The following PDZD2 variants were observed in gnomAD, a reference collection of about 807,000 sequenced individuals.
PDZD2 encodes PDZ domain containing 2.
PDZD2 carries 90 observed loss-of-function variants against 220.7 expected under a neutral mutation model. The ratio of observed to expected loss-of-function variants is 0.41; its 90% confidence interval spans 0.34 to 0.49. The LOEUF (loss-of-function observed/expected upper bound fraction) is 0.49. Among genes scored for constraint, PDZD2 ranks in the 20% least tolerant of loss-of-function variants. The pLI, the probability that PDZD2 is intolerant of heterozygous loss-of-function variation, is 0.28. For synonymous variants in PDZD2, 1,375 were observed against 1,450.5 expected, an observed-to-expected ratio of 0.95 and a Z score of 1.18; for missense variants, 3,174 against 3,608.5, an observed-to-expected ratio of 0.88 and a Z score of 3.08.
chr5:31,994,174 C>T (rs142030832), intron 3 of PDZD2, among the ~76,000 whole-genome samples: 2,627 of 151,398 alleles, frequency 0.017, 76 homozygotes, highest in African/African-American at 0.06. Flanking sequence ...CCCACCACCA[C>T]GCCTGGCTAA....
intron 2 of PDZD2, among the ~76,000 whole-genome samples, chr5:31,952,334 C>T (rs1308391392): frequency 1.3e-5 from 2 of 152,208 alleles, no homozygotes. Flanking sequence ...AATTTGTAAT[C>T]TCTGTATCCC....
rs933065349 is a variant in PDZD2 at position 31,944,806 on chromosome 5, G to T, written c.477-38349G>T. 3.3e-5 allele frequency among the ~76,000 whole-genome samples: 5 copies of T among 152,204 alleles called. No individual in the cohort carries two copies. The East Asian group carries it at 9.7e-4, about 29-fold the overall frequency. ...TGGGAAGCAGCTGCAGCTGCGCCTTGGAGGGGCCGCTTCCTGGCCTCATGG... is the reference window on the plus strand; with the variant it reads ...TGGGAAGCAGCTGCAGCTGCGCCTTTGAGGGGCCGCTTCCTGGCCTCATGG... On this transcript the variant is annotated intron_variant, in intron 2 of 24. Coordinates refer to ENST00000438447, the MANE Select transcript of PDZD2 (RefSeq NM_178140.4).
chr5:31,994,264 C>T (rs917965970), intron 3 of PDZD2, among the ~76,000 whole-genome samples: 5 of 151,640 alleles, frequency 3.3e-5, no homozygotes, highest in African/African-American at 9.7e-5. Flanking sequence ...ACCTTGGCCT[C>T]CTCAAAGTGC....
chr5:32,074,326 T>A lies in PDZD2; in HGVS notation c.3220T>A (p.Trp1074Arg). The A allele has an allele frequency of 6.2e-7, 1 of 1,614,094 alleles. No individual in the cohort carries two copies. Among genetic ancestry groups the A allele is most frequent in the East Asian group, 2.2e-5 (1 of 44,872 alleles). The change falls in exon 18 of 25, where the codon TGG becomes AGG. Residue 1074 changes from tryptophan to arginine, a missense_variant. Trp to Arg is a moderately radical substitution (Grantham distance 101, BLOSUM62 -3). This residue lies in a region of PDZD2 where 1,861 missense variants were observed against 2,001.0 expected (regional missense o/e 0.93). Coordinates refer to ENST00000438447, the MANE Select transcript of PDZD2 (RefSeq NM_178140.4). ...CCCCAAGGGGAGCCCTGGAAGCTGG[T>A]GGAAGAAGGAACTGTCAGGATCAAG... is the stretch of plus-strand genomic sequence containing the variant. ...EAPKGSPGSWWKKELSGSSSA... is the reference protein window; with the variant it reads ...EAPKGSPGSWRKKELSGSSSA...
At chr5:31,643,144 G>A (rs1368005893) in intron 1 of PDZD2, among the ~76,000 whole-genome samples, 1 of 152,192 alleles carries the variant, frequency 6.6e-6, no homozygotes, top group Non-Finnish European at 1.5e-5. Flanking sequence ...CGCATCTGCT[G>A]TATAGGGGGT....
intron 2 of PDZD2, among the ~76,000 whole-genome samples, chr5:31,976,714 C>CTTTTTTTTTTTTTTT (rs869280921): frequency 2.5e-4 from 25 of 99,714 alleles, no homozygotes; most frequent in Non-Finnish European, 3.3e-4. Flanking sequence ...TTTCTTCTTT[C>CTTTTTTTTTTTTTTT]TTTTTTTTTT....
At chr5:32,022,591 A>AT (rs1754309333) in intron 6 of PDZD2, among the ~76,000 whole-genome samples, 1 of 152,060 alleles carries the variant, frequency 6.6e-6, no homozygotes, top group Non-Finnish European at 1.5e-5. Context: ...AAGAGATCTG[A>AT]TTCCTTCTGG....
chr5:31,703,284 T>C (rs559630707), intron 1 of PDZD2, among the ~76,000 whole-genome samples: 159 of 152,280 alleles, frequency 1.0e-3, no homozygotes, highest in Non-Finnish European at 1.9e-3. Context: ...CACCATAGAA[T>C]ACTATGCAGC....
At position 32,058,026 on chromosome 5, in the gene PDZD2, A is replaced by G; in HGVS notation, c.2123A>G (p.Glu708Gly). The change falls in exon 12 of 25, where the codon GAA (glutamate) becomes GGA (glycine). Residue 708 changes from glutamate (E) to glycine (G), a missense_variant. This residue lies in a region of PDZD2 where 1,861 missense variants were observed against 2,001.0 expected (regional missense o/e 0.93). Transcript: ENST00000438447. Reference sequence around the variant, plus strand: ...GGAGCCTCAGCGGGAGGTTCCGATGAAGGCAGTTCTTCATCCCTGGGTCGG... The same window carrying G: ...GGAGCCTCAGCGGGAGGTTCCGATGGAGGCAGTTCTTCATCCCTGGGTCGG... ...SGGASAGGSD[E>G]GSSSSLGRKT... 6.2e-7 allele frequency: 1 copy of G among 1,613,248 alleles called. No homozygotes were observed. Among genetic ancestry groups the G allele is most frequent in the South Asian group, 1.1e-5 (1 of 91,062 alleles).
rs55741622 is a variant in PDZD2, at chr5:31,908,082, C to CAAAAA, written c.477-75051_477-75047dup. ...TGGGTGACAGAGCCAGGCTCCGTCT[C>CAAAAA]AAAAAAAAAAAAAAAAAAAAAAAAA... On this transcript the variant is annotated intron_variant, in intron 2 of 24. Coordinates refer to ENST00000438447, the MANE Select transcript of PDZD2 (RefSeq NM_178140.4). Among the ~76,000 whole-genome samples the CAAAAA allele has an allele frequency of 5.3e-3, 405 of 76,906 alleles. 20 individuals are homozygous for CAAAAA. The highest frequency in any genetic ancestry group is 0.021 in the African/African-American group (382 of 18,386). 50.5% of individuals were successfully genotyped at this position (76,906 alleles called of 152,430 possible). A position where few individuals can be genotyped will look rare whatever the true frequency, so the allele number is the denominator to read the frequency against.
intron 6 of PDZD2, among the ~76,000 whole-genome samples, chr5:32,021,842 T>C (rs1305237236): frequency 1.3e-5 from 2 of 152,176 alleles, no homozygotes; most frequent in Non-Finnish European, 2.9e-5. Flanking sequence ...AAGCTATGAG[T>C]AGCAAAAAAG....
rs1750676822 is a variant in PDZD2 at position 31,747,585 on chromosome 5, G to A, written c.-360-51304G>A. ...GTGACCCAAGCATCCACCTCCTTTT[G>A]TCCTCCATGTTTGTGTGAAGGAGTT... On this transcript the variant is annotated intron_variant, in intron 1 of 24. Transcript: ENST00000438447. 3 of 152,274 alleles carry A rather than the reference G, an allele frequency of 2.0e-5. No homozygotes were observed. The South Asian group carries it at 6.2e-4, about 32-fold the overall frequency. 9.4% of individuals were successfully genotyped at this position (152,274 alleles called of 1,614,324 possible).
At chr5:31,658,491 C>T (rs1745636665) in intron 1 of PDZD2, among the ~76,000 whole-genome samples, 2 of 152,126 alleles carry the variant, frequency 1.3e-5, no homozygotes, top group African/African-American at 2.4e-5. Context: ...TCTTTTCTGC[C>T]GTTAACCTCT....
intron 2 of PDZD2, among the ~76,000 whole-genome samples, chr5:31,950,612 A>G (rs529478028): frequency 1.3e-5 from 2 of 152,310 alleles, no homozygotes; most frequent in African/African-American, 4.8e-5. Flanking sequence ...TTCACAGTAC[A>G]AAATTGAGAT....
At chr5:31,840,432 A>ATT (rs1757219934) in intron 2 of PDZD2, 4 of 77,942 alleles carry the variant, frequency 5.1e-5, no homozygotes, top group African/African-American at 1.1e-4. Context: ...ATATATATAT[A>ATT]TATATATATA....
At chr5:31,810,409 CCCA>C (rs965929192) in intron 2 of PDZD2, among the ~76,000 whole-genome samples, 2 of 149,992 alleles carry the variant, frequency 1.3e-5, no homozygotes, top group Non-Finnish European at 3.0e-5. Context: ...ACTACAGGTG[CCCA>C]CCACCACGCC....
At chr5:31,859,023 T>G (rs1758700211) in intron 2 of PDZD2, among the ~76,000 whole-genome samples, 1 of 152,128 alleles carries the variant, frequency 6.6e-6, no homozygotes, top group South Asian at 2.1e-4. Flanking sequence ...CCAAGGTTTT[T>G]GCATTTCTGA....
intron 7 of PDZD2, among the ~76,000 whole-genome samples, chr5:32,041,429 T>A (rs1756138218): frequency 6.6e-6 from 1 of 150,550 alleles, no homozygotes; most frequent in African/African-American, 2.5e-5. Flanking sequence ...AAAAGAGAGA[T>A]CAGATTTTTA....
chr5:32,050,340 A>T (rs1434882032), intron 8 of PDZD2, among the ~76,000 whole-genome samples: 1 of 152,220 alleles, frequency 6.6e-6, no homozygotes, highest in Non-Finnish European at 1.5e-5. Context: ...CAGCATTTGT[A>T]GCCCAGAAAC....
Sources: gnomAD v4.1 joint callset for allele counts (sites outside exome capture counted in the v4.1 genomes callset) on GRCh38, gnomAD v4.1.1 for gene constraint, gnomAD v4.1.1 regional missense constraint, MANE v1.5 for transcripts, NCBI Gene and HGNC (gene_info 2026-07-23, HGNC 2026-07-21) for gene names.